Variants in RIF1 observed in about 807,000 individuals in gnomAD.
RIF1 encodes the protein telomere-associated protein RIF1.
RIF1 carries 45 observed loss-of-function variants against 247.1 expected under a neutral mutation model. The ratio of observed to expected loss-of-function variants is 0.18; its 90% CI spans 0.14 to 0.23. The LOEUF is 0.23. RIF1 is among the 10% of genes least tolerant of loss of function. The pLI is 1.00. For synonymous variants in RIF1, 1,087 were observed against 978.8 expected (o/e 1.11, Z -2.06); for missense variants, 2,967 against 2,862.5 (o/e 1.04, Z -0.83).
At chr2:151,496,389 C>T (rs1312015322) in intron 10 of RIF1, 1 of 1,589,528 alleles carries the variant, frequency 6.3e-7, no homozygotes. Context: ...AGAAAGCATC[C>T]AGAAAAACAA....
At chr2:151,466,201 A>G (rs1312606250) in intron 30 of RIF1, 81 bp downstream of exon 30, 7 of 712,716 alleles carry the variant, frequency 9.8e-6, no homozygotes, top group Non-Finnish European at 1.7e-5. Flanking sequence ...CTGGTGAATG[A>G]CAAAATATTA....
intron 9 of RIF1, among the ~76,000 whole-genome samples, chr2:151,432,631 G>C (rs907650760): frequency 6.6e-6 from 1 of 152,176 alleles, no homozygotes; most frequent in Non-Finnish European, 1.5e-5. Flanking sequence ...TGGGGATAAT[G>C]AGAATGCTAA....
chr2:151,502,860 T>C (rs1428123983), intron 11 of RIF1: 11 of 1,603,902 alleles, frequency 6.9e-6, no homozygotes, highest in Non-Finnish European at 9.4e-6. Context: ...TGGGATTCCT[T>C]TCCCCAAATT....
chr2:151,464,163 G>A lies in RIF1; in HGVS notation c.4643G>A (p.Ser1548Asn). 6.2e-7 allele frequency: 1 copy of A among 1,609,834 alleles called. No individual in the cohort carries two copies. Among genetic ancestry groups the A allele is most frequent in the Non-Finnish European group, 8.5e-7 (1 of 1,179,034 alleles). The change falls in exon 30 of 36, where the codon AGC becomes AAC. Residue 1548 changes from serine to asparagine, a missense_variant. This residue lies in a region of RIF1 where 2,028 missense variants were observed against 1,825.6 expected (regional missense o/e 1.11). Coordinates refer to ENST00000444746, the MANE Select transcript of RIF1 (RefSeq NM_018151.5). The stretch of plus-strand genomic sequence containing the variant: ...AGAGCATCTCAGGGTTTGCTTTCCA[G>A]CATTGAAAACTCAGAATCTGATAGT... ...TRRASQGLLS[S>N]IENSESDSSE...
chr2:151,464,776 A>G lies in RIF1; in HGVS notation c.5256A>G (p.Thr1752=), dbSNP rs1244687028. Residue 1752 remains threonine (T), a synonymous_variant, in exon 30 of 36, where the codon ACA becomes ACG. Transcript: ENST00000444746. ...QEKSLIGLKN[T]ENNDVEISET... ...AGTCACTCATTGGGTTAAAGAATAC[A>G]GAAAATAATGACGTAGAGATTAGTG... is the stretch of plus-strand genomic sequence containing the variant. The G allele has an allele frequency of 1.2e-6, 2 of 1,613,910 alleles. No individual in the cohort carries two copies. The highest frequency in any genetic ancestry group is 1.7e-6 in the Non-Finnish European group (2 of 1,179,960).
At chr2:151,415,711 T>TAAAAATAC (rs1460406283) in intron 4 of RIF1, among the ~76,000 whole-genome samples, 2 of 151,646 alleles carry the variant, frequency 1.3e-5, no homozygotes, top group Admixed American at 1.3e-4. Context: ...CCGTCTCTAC[T>TAAAAATAC]AAAAATACAA....
chr2:151,447,165 G>T (rs1031352777), intron 20 of RIF1, among the ~76,000 whole-genome samples: 1 of 151,564 alleles, frequency 6.6e-6, no homozygotes, highest in Non-Finnish European at 1.5e-5. Context: ...GGATGGTCTC[G>T]ATCTCCTGAC....
intron 27 of RIF1, 115 bp downstream of exon 27, chr2:151,461,404 T>TG: frequency 9.4e-7 from 1 of 1,068,444 alleles, no homozygotes; most frequent in South Asian, 1.4e-5. Flanking sequence ...TTTTTTTTTT[T>TG]TTTTTGACAC....
intron 8 of RIF1, among the ~76,000 whole-genome samples, chr2:151,424,886 C>T (rs1031178632): frequency 1.6e-5 from 2 of 124,112 alleles, no homozygotes. Context: ...TGGGTTTTGC[C>T]GTGCTGCTCA....
At chr2:151,527,377 G>A in the RIF1 span, 90 of 980,826 alleles carry the variant, frequency 9.2e-5, no homozygotes, top group Non-Finnish European at 1.3e-4. Flanking sequence ...GATCTCAAAC[G>A]AGCAAGGGTT....
At chr2:151,531,058 T>G in the RIF1 span, 1 of 1,613,624 alleles carries the variant, frequency 6.2e-7, no homozygotes, top group Middle Eastern at 1.6e-4. Flanking sequence ...GATTGTGGTG[T>G]AGCCTCTGGG....
rs142886286 is a variant in RIF1, at chr2:151,502,293, C to A, written c.*710-741C>A. On this transcript the variant is annotated intron_variant and NMD_transcript_variant, in intron 11 of 13. Coordinates refer to the RIF1 transcript ENST00000454583. ...GTGTATACTGCTTGGGTGATGGGTGCACCAAAATCTCACAAGTCACCACTA... is the reference window on the plus strand; with the variant it reads ...GTGTATACTGCTTGGGTGATGGGTGAACCAAAATCTCACAAGTCACCACTA... Among the ~76,000 whole-genome samples the A allele has an allele frequency of 9.5e-3, 1,448 of 151,844 alleles. 9 individuals carry two copies. Among genetic ancestry groups the A allele is most frequent in the South Asian group, 0.028 (134 of 4,806 alleles).
chr2:151,484,744 C>T (rs2049413950), downstream of RIF1, among the ~76,000 whole-genome samples: 1 of 152,192 alleles, frequency 6.6e-6, no homozygotes, highest in Non-Finnish European at 1.5e-5. Context: ...AGGAGAGTAG[C>T]ACCATTTGGC....
chr2:151,444,282 C>CT (rs1692853837), intron 18 of RIF1, among the ~76,000 whole-genome samples: 1 of 152,100 alleles, frequency 6.6e-6, no homozygotes, highest in Non-Finnish European at 1.5e-5. Flanking sequence ...TGCTGTAACT[C>CT]AAAAATGAAA....
chr2:151,489,308 T>C (rs993175182), intron 9 of RIF1, among the ~76,000 whole-genome samples: 4 of 152,190 alleles, frequency 2.6e-5, no homozygotes, highest in African/African-American at 9.7e-5. Flanking sequence ...TCTGGTGAAC[T>C]GTGAAGATGA....
chr2:151,409,912 T>G lies in RIF1; in HGVS notation c.-132T>G, dbSNP rs909873787. On this transcript the variant is annotated 5_prime_UTR_variant, in exon 1 of 36. Transcript: ENST00000444746. ...CTCCTGGGCCCGCCCAGCCGCCATC[T>G]TGGTCTAGGAGGGAGCGCGCCGCAC... is the stretch of plus-strand genomic sequence containing the variant. The G allele has an allele frequency of 1.3e-5, 9 of 698,398 alleles. No individual in the cohort carries two copies. Among genetic ancestry groups the G allele is most frequent in the African/African-American group, 3.5e-5 (2 of 57,146 alleles). 43.3% of individuals were successfully genotyped at this position (698,398 alleles called of 1,614,324 possible).
chr2:151,473,258 C>CAT (rs2048696922), intron 34 of RIF1, among the ~76,000 whole-genome samples: 1 of 150,324 alleles, frequency 6.7e-6, no homozygotes, highest in Non-Finnish European at 1.5e-5. Flanking sequence ...ATCAGTGGTC[C>CAT]ATACGTCCTA....
In RIF1 at chr2:151,420,379, T is replaced by C; in HGVS notation, c.693T>C (p.Thr231=). The part of the protein sequence containing the change: ...IASITEQLMT[T]KLISELQKLF... Reference sequence around the variant, plus strand: ...CTATTACGGAGCAGCTTATGACTACTGTGAGTGTTCTTTTATGTAAGAATT... The same window carrying C: ...CTATTACGGAGCAGCTTATGACTACCGTGAGTGTTCTTTTATGTAAGAATT... The change falls in exon 7 of 36, where the codon ACT becomes ACC. Residue 231 remains threonine (T), a splice_region_variant and synonymous_variant. Transcript: ENST00000444746. The C allele has an allele frequency of 1.9e-6, 3 of 1,613,578 alleles. No homozygotes were observed. Among genetic ancestry groups the C allele is most frequent in the Non-Finnish European group, 1.7e-6 (2 of 1,179,588 alleles).
chr2:151,519,958 T>A, the RIF1 span: 1 of 457,896 alleles, frequency 2.2e-6, no homozygotes. Flanking sequence ...ACAACAGGCA[T>A]TCAAATATAT....
Sources: gnomAD v4.1 joint callset for allele counts (sites outside exome capture counted in the v4.1 genomes callset) on GRCh38, gnomAD v4.1.1 for gene constraint, gnomAD v4.1.1 regional missense constraint, MANE v1.5 for transcripts, NCBI Gene and HGNC (gene_info 2026-07-23, HGNC 2026-07-21) for gene names.